LRBA: variants seen among roughly 807,000 people sequenced by gnomAD.
LRBA encodes lipopolysaccharide-responsive and beige-like anchor protein.
Under a neutral mutation model 330.0 loss-of-function variants are expected in LRBA, and 176 were observed. The ratio of observed to expected loss-of-function variants is 0.53; its 90% CI spans 0.47 to 0.60. The LOEUF (loss-of-function observed/expected upper bound fraction) is 0.60. Ranked by LOEUF, LRBA falls within the 20% of genes least tolerant of loss-of-function variation. The pLI, the probability that LRBA is intolerant of heterozygous loss-of-function variation, is 0.00. For synonymous variants in LRBA, 1,230 were observed against 1,193.0 expected (o/e 1.03, Z -0.64); for missense variants, 3,259 against 3,444.8 (o/e 0.95, Z 1.35).
At chr4:150,893,522 G>A (rs540618235) in intron 16 of LRBA, among the ~76,000 whole-genome samples, 3 of 151,934 alleles carry the variant, frequency 2.0e-5, no homozygotes, top group South Asian at 2.1e-4. Flanking sequence ...GCTAATTTTT[G>A]TATTTTTGGT....
chr4:150,559,685 TA>T (rs1767888432), intron 40 of LRBA, among the ~76,000 whole-genome samples: 1 of 63,736 alleles, frequency 1.6e-5, no homozygotes, highest in East Asian at 3.7e-4. Flanking sequence ...TATAATATAT[TA>T]TATTATATAT....
chr4:150,557,082 G>A (rs1366601801), intron 40 of LRBA, among the ~76,000 whole-genome samples: 1 of 152,136 alleles, frequency 6.6e-6, no homozygotes, highest in Non-Finnish European at 1.5e-5. Flanking sequence ...TAGAGCTGCA[G>A]AAGGGAAGCT....
intron 2 of LRBA, among the ~76,000 whole-genome samples, chr4:150,998,599 C>T (rs1742973057): frequency 6.6e-6 from 1 of 152,052 alleles, no homozygotes; most frequent in South Asian, 2.1e-4. Context: ...AAGCAGTCCT[C>T]CCACCTGAGC....
chr4:150,594,342 A>G (rs1028985716), intron 38 of LRBA, among the ~76,000 whole-genome samples: 3 of 152,062 alleles, frequency 2.0e-5, no homozygotes, highest in Non-Finnish European at 4.4e-5. Flanking sequence ...AACTTTTCCA[A>G]GCATAAAATA....
intron 47 of LRBA, among the ~76,000 whole-genome samples, chr4:150,354,709 T>C (rs1043294706): frequency 1.3e-5 from 2 of 152,046 alleles, no homozygotes; most frequent in Non-Finnish European, 2.9e-5. Context: ...ACAAACTGTC[T>C]TGGCGCTGAT....
intron 36 of LRBA, among the ~76,000 whole-genome samples, chr4:150,704,371 C>T (rs1785408329): frequency 6.6e-6 from 1 of 151,370 alleles, no homozygotes; most frequent in South Asian, 2.1e-4. Flanking sequence ...TTATTATTAT[C>T]ATTATTATTA....
intron 30 of LRBA, among the ~76,000 whole-genome samples, chr4:150,822,434 G>A (rs1016532927): frequency 6.6e-6 from 1 of 152,050 alleles, no homozygotes. Context: ...ATATTTCTGG[G>A]TACTCAATCT....
At chr4:150,294,880 G>T (rs1044860497) in intron 53 of LRBA, among the ~76,000 whole-genome samples, 2 of 152,236 alleles carry the variant, frequency 1.3e-5, no homozygotes, top group East Asian at 3.9e-4. Flanking sequence ...GAACCTGGGA[G>T]GTGGAGGTTG....
At chr4:150,850,352 C>G (rs1193340782) in intron 24 of LRBA, among the ~76,000 whole-genome samples, 2 of 152,100 alleles carry the variant, frequency 1.3e-5, no homozygotes, top group African/African-American at 4.8e-5. Context: ...CATCGGCCTC[C>G]CAAAGTGCTG....
chr4:150,896,523 C>T, intron 15 of LRBA, 67 bp from the exon 16 acceptor site: 2 of 802,256 alleles, frequency 2.5e-6, no homozygotes, highest in Non-Finnish European at 4.1e-6. Context: ...AAATTATACA[C>T]ATAGATTTGT....
At position 150,380,821 on chromosome 4, in the gene LRBA, CAA is replaced by C. The variant is rs11301275; in HGVS notation, c.7195-30664_7195-30663del. 1.8e-4 allele frequency among the ~76,000 whole-genome samples: 27 copies of C among 148,364 alleles called. 1 individual carries two copies. The highest frequency in any genetic ancestry group is 1.1e-3 in the Admixed American group (17 of 14,912). ...TGAAACCCCGTCTCTACTAAAAATA[CAA>C]AAAAAAAAATTAGCCAGGTGAGGTG... On this transcript the variant is annotated intron_variant, in intron 47 of 56. Coordinates refer to ENST00000651943, the MANE Select transcript of LRBA (RefSeq NM_001364905.1).
chr4:150,283,066 A>G (rs1016912395), intron 54 of LRBA, among the ~76,000 whole-genome samples: 2 of 152,220 alleles, frequency 1.3e-5, no homozygotes, highest in African/African-American at 2.4e-5. Flanking sequence ...AGGAGCCCCA[A>G]CGGCCACGGC....
intron 25 of LRBA, 119 bp from the exon 26 acceptor site, chr4:150,849,117 CAG>C (rs763802894): frequency 8.9e-6 from 6 of 670,796 alleles, no homozygotes; most frequent in East Asian, 2.9e-5. Context: ...CCTAGTAACA[CAG>C]AGTGATTTAT....
chr4:150,433,927 A>G (rs1253594854), intron 46 of LRBA, among the ~76,000 whole-genome samples: 1 of 152,178 alleles, frequency 6.6e-6, no homozygotes, highest in Non-Finnish European at 1.5e-5. Flanking sequence ...TGTATACAAT[A>G]GAATCTTCTT....
chr4:150,638,095 TA>T (rs938107927), intron 37 of LRBA, among the ~76,000 whole-genome samples: 4 of 145,256 alleles, frequency 2.8e-5, no homozygotes, highest in African/African-American at 7.4e-5. Flanking sequence ...TTTCTTTAAT[TA>T]TTTTTTTTTT....
At chr4:150,894,840 T>A (rs1403692934) in intron 16 of LRBA, among the ~76,000 whole-genome samples, 2 of 152,196 alleles carry the variant, frequency 1.3e-5, no homozygotes, top group African/African-American at 4.8e-5. Flanking sequence ...TAGATCACTA[T>A]GAAATTCACC....
chr4:150,564,001 C>A (rs996670016), intron 40 of LRBA, among the ~76,000 whole-genome samples: 2 of 152,160 alleles, frequency 1.3e-5, no homozygotes, highest in African/African-American at 4.8e-5. Context: ...ATCAAGCTAC[C>A]AATGACTTTC....
chr4:150,863,686 A>G (rs1752281342), intron 22 of LRBA, among the ~76,000 whole-genome samples: 1 of 152,146 alleles, frequency 6.6e-6, no homozygotes, highest in Non-Finnish European at 1.5e-5. Context: ...AATAATTACT[A>G]TAAATCAGGA....
chr4:150,780,629 ACG>A (rs1365504473), intron 34 of LRBA, among the ~76,000 whole-genome samples: 4 of 58,478 alleles, frequency 6.8e-5, no homozygotes, highest in South Asian at 4.1e-4. Flanking sequence ...ATATATATAC[ACG>A]TATATATATA....
Sources: gnomAD v4.1 joint callset for allele counts (sites outside exome capture counted in the v4.1 genomes callset) on GRCh38, gnomAD v4.1.1 for gene constraint, MANE v1.5 for transcripts, NCBI Gene and HGNC (gene_info 2026-07-23, HGNC 2026-07-21) for gene names.